The following RUNX1T1 variants were observed in gnomAD, a reference collection of about 807,000 sequenced individuals.
RUNX1T1 encodes RUNX1 partner transcriptional co-repressor 1.
A neutral mutation model predicts 62.8 loss-of-function variants in RUNX1T1; 4 were observed. The ratio of observed to expected loss-of-function variants is 0.06; its 90% CI spans 0.03 to 0.15. RUNX1T1 has a LOEUF of 0.15. RUNX1T1 is among the 10% of genes least tolerant of loss of function. The pLI, the probability that RUNX1T1 is intolerant of heterozygous loss-of-function variation, is 1.00. For missense variants in RUNX1T1, 508 were observed against 754.3 expected (o/e 0.67, Z 3.82); for synonymous variants, 291 against 286.0 (o/e 1.02, Z -0.18).
At chr8:92,064,494 G>A (rs1364006617), upstream of RUNX1T1, among the ~76,000 whole-genome samples, 1 of 152,146 alleles carries the variant, frequency 6.6e-6, no homozygotes, top group Admixed American at 6.6e-5. Flanking sequence ...TTTATAGCAG[G>A]CATGAGTGTG....
At chr8:92,051,843 T>C (rs890355256) in intron 1 of RUNX1T1, among the ~76,000 whole-genome samples, 2 of 151,900 alleles carry the variant, frequency 1.3e-5, no homozygotes, top group African/African-American at 4.8e-5. Context: ...CAGTAGGCAG[T>C]ACATGTCCCA....
At chr8:92,012,197 G>A (rs955047077) in intron 3 of RUNX1T1, among the ~76,000 whole-genome samples, 1 of 152,098 alleles carries the variant, frequency 6.6e-6, no homozygotes, top group South Asian at 2.1e-4. Flanking sequence ...AAATGTCAAG[G>A]AGCCAATTTT....
intron 5 of RUNX1T1, among the ~76,000 whole-genome samples, chr8:91,993,923 C>T (rs181700615): frequency 2.0e-5 from 3 of 152,138 alleles, no homozygotes; most frequent in African/African-American, 7.2e-5. Flanking sequence ...ACCCCAGAGG[C>T]GGAAGATGCA....
At chr8:92,052,837 A>G (rs534872988) in intron 1 of RUNX1T1, among the ~76,000 whole-genome samples, 7 of 152,174 alleles carry the variant, frequency 4.6e-5, no homozygotes, top group South Asian at 2.1e-4. Flanking sequence ...ATCCTGTACC[A>G]TGCTTCCAAA....
upstream of RUNX1T1, among the ~76,000 whole-genome samples, chr8:92,066,867 C>G (rs1013723341): frequency 2.6e-5 from 4 of 152,182 alleles, no homozygotes; most frequent in East Asian, 1.9e-4. Context: ...TTGAAGTATT[C>G]CATCAAGGTT....
intron 2 of RUNX1T1, among the ~76,000 whole-genome samples, chr8:92,073,871 A>AT (rs1374916125): frequency 6.6e-6 from 1 of 151,908 alleles, no homozygotes; most frequent in Non-Finnish European, 1.5e-5. Context: ...TGAATTTTTA[A>AT]TTTTTTTGTA....
chr8:92,102,853 T>C, upstream of RUNX1T1: 1 of 1,520,412 alleles, frequency 6.6e-7, no homozygotes, highest in African/African-American at 1.4e-5. This position sits in a 1 kb window ranked among gnomAD's most constrained non-coding sequence, Gnocchi z 4.5. Flanking sequence ...CCGCGGACAC[T>C]TACACTGCAC....
At chr8:91,968,579 T>A (rs533489785) in intron 10 of RUNX1T1, among the ~76,000 whole-genome samples, 1 of 152,296 alleles carries the variant, frequency 6.6e-6, no homozygotes, top group Admixed American at 6.5e-5. Context: ...AGAGGCTTAA[T>A]CCTTCTAGAG....
chr8:92,094,535 C>A (rs141825292), intron 1 of RUNX1T1, among the ~76,000 whole-genome samples: 50 of 152,168 alleles, frequency 3.3e-4, no homozygotes, highest in African/African-American at 9.2e-4. Flanking sequence ...ATAAAGTCAA[C>A]TAATTCCATA....
intron 1 of RUNX1T1, among the ~76,000 whole-genome samples, chr8:92,023,852 C>T (rs1258210395): frequency 6.6e-6 from 1 of 152,142 alleles, no homozygotes; most frequent in Non-Finnish European, 1.5e-5. Context: ...CACCAACAGG[C>T]CCAGACATAG....
chr8:91,962,639 G>T (rs1003629493), intron 10 of RUNX1T1, among the ~76,000 whole-genome samples: 2 of 152,232 alleles, frequency 1.3e-5, no homozygotes, highest in African/African-American at 4.8e-5. Context: ...AAAGCTGTGA[G>T]GTATAATACT....
intron 4 of RUNX1T1, chr8:92,005,686 A>G (rs1820630067): frequency 6.3e-6 from 1 of 159,822 alleles, no homozygotes; most frequent in African/African-American, 2.4e-5. Flanking sequence ...ACACAGTCCA[A>G]TTAATTTCAG....
At chr8:92,021,638 G>A (rs556456874) in intron 1 of RUNX1T1, among the ~76,000 whole-genome samples, 6 of 152,142 alleles carry the variant, frequency 3.9e-5, no homozygotes, top group East Asian at 1.9e-4. Flanking sequence ...TAGTTTTCCC[G>A]AGCCTCAGTC....
chr8:92,024,497 C>CAAAAAAAAAA lies in RUNX1T1; in HGVS notation c.8-7144_8-7135dup, dbSNP rs34547904. On this transcript the variant is annotated intron_variant, in intron 1 of 10. Coordinates refer to ENST00000396218, the Ensembl canonical transcript of RUNX1T1. ...GGGGTAACAGAGTGAAACCCCAACT[C>CAAAAAAAAAA]AAAAAAAAAAAAAAAAAAAAAAAAA... Among the ~76,000 whole-genome samples the CAAAAAAAAAA allele has an allele frequency of 1.4e-3, 24 of 17,542 alleles. 4 individuals carry two copies. Among genetic ancestry groups the CAAAAAAAAAA allele is most frequent in the South Asian group, 3.4e-3 (1 of 296 alleles). The allele number at this position is 17,542 out of a possible 152,430, so 11.5% of individuals were successfully genotyped here.
At chr8:91,980,973 C>A (rs1046633056) in intron 8 of RUNX1T1, among the ~76,000 whole-genome samples, 1 of 152,140 alleles carries the variant, frequency 6.6e-6, no homozygotes, top group Non-Finnish European at 1.5e-5. Flanking sequence ...CTACTCCCAG[C>A]AGAAAGTTCT....
At chr8:92,048,652 G>A (rs548156726) in intron 1 of RUNX1T1, among the ~76,000 whole-genome samples, 1 of 152,154 alleles carries the variant, frequency 6.6e-6, no homozygotes, top group South Asian at 2.1e-4. Flanking sequence ...CCTGGTCTTT[G>A]GAGGGTGAGA....
intron 1 of RUNX1T1, among the ~76,000 whole-genome samples, chr8:92,055,544 C>A (rs933638538): frequency 6.6e-6 from 1 of 152,118 alleles, no homozygotes; most frequent in Non-Finnish European, 1.5e-5. Flanking sequence ...TGGATGCAAG[C>A]GATCCTCTTG....
chr8:92,052,191 G>A (rs1301485151), intron 1 of RUNX1T1, among the ~76,000 whole-genome samples: 1 of 152,128 alleles, frequency 6.6e-6, no homozygotes, highest in Non-Finnish European at 1.5e-5. Context: ...TATTTATGTT[G>A]AACAGAGAAA....
chr8:92,012,148 G>A (rs544474412), intron 3 of RUNX1T1, among the ~76,000 whole-genome samples: 11 of 152,244 alleles, frequency 7.2e-5, no homozygotes, highest in Non-Finnish European at 1.6e-4. Flanking sequence ...ATCTTCATAT[G>A]AAACTATGAA....
Sources: gnomAD v4.1 joint callset for allele counts (sites outside exome capture counted in the v4.1 genomes callset) on GRCh38, gnomAD v4.1.1 for gene constraint, Gnocchi (gnomAD v3.1) non-coding constraint, MANE v1.5 for transcripts, NCBI Gene and HGNC (gene_info 2026-07-23, HGNC 2026-07-21) for gene names.